The following MCU variants were observed in gnomAD, a reference collection of about 807,000 sequenced individuals.
The protein encoded by MCU is calcium uniporter protein, mitochondrial.
MCU carries 12 observed loss-of-function variants against 45.2 expected under a neutral mutation model. That is an observed-to-expected ratio of 0.27 (90% CI 0.17 to 0.43). MCU has a LOEUF of 0.43. Among genes scored for constraint, MCU ranks in the 20% least tolerant of loss-of-function variants. The probability of loss-of-function intolerance (pLI) is 1.00; values close to 1 mark genes in which losing one functional copy is unlikely to be tolerated. For synonymous variants in MCU, 160 were observed against 165.1 expected, an observed-to-expected ratio of 0.97 and a Z score of 0.24; for missense variants, 324 against 436.7, an observed-to-expected ratio of 0.74 and a Z score of 2.30.
At chr10:72,739,130 T>C (rs1490222295) in intron 1 of MCU, among the ~76,000 whole-genome samples, 1 of 152,164 alleles carries the variant, frequency 6.6e-6, no homozygotes, top group East Asian at 1.9e-4. Flanking sequence ...AAATTATAAT[T>C]AAGTTATTGA....
chr10:72,867,348 C>A (rs1246164918), intron 4 of MCU, among the ~76,000 whole-genome samples: 3 of 151,930 alleles, frequency 2.0e-5, no homozygotes, highest in Admixed American at 2.0e-4. Context: ...TTATTTGATT[C>A]TGAAAACATA....
chr10:72,752,991 T>C (rs1313093359), intron 1 of MCU, among the ~76,000 whole-genome samples: 2 of 152,186 alleles, frequency 1.3e-5, no homozygotes, highest in Non-Finnish European at 2.9e-5. Context: ...CTGCATGACA[T>C]GTGGATATAA....
intron 4 of MCU, among the ~76,000 whole-genome samples, chr10:72,864,867 C>T (rs978189586): frequency 1.3e-5 from 2 of 152,146 alleles, no homozygotes; most frequent in African/African-American, 4.8e-5. Flanking sequence ...TAGAAGTTCT[C>T]TTTAAAATAA....
chr10:72,697,354 T>G (rs1383261291), intron 1 of MCU, among the ~76,000 whole-genome samples: 1 of 151,164 alleles, frequency 6.6e-6, no homozygotes, highest in East Asian at 1.9e-4. Flanking sequence ...TGGCCTCGGG[T>G]AACCCACCTG....
At chr10:72,725,660 C>T (rs921490399) in intron 1 of MCU, among the ~76,000 whole-genome samples, 41 of 141,752 alleles carry the variant, frequency 2.9e-4, no homozygotes, top group Non-Finnish European at 5.2e-4. Context: ...AGGCTGAGGT[C>T]GGTGGATCAC....
chr10:72,765,203 T>G (rs75914139), intron 1 of MCU, among the ~76,000 whole-genome samples: 2,926 of 152,140 alleles, frequency 0.019, 100 homozygotes, highest in African/African-American at 0.067. Context: ...GATAGCATAG[T>G]GCAGTTAATT....
At chr10:72,699,485 T>TGAC (rs752848520) in intron 1 of MCU, among the ~76,000 whole-genome samples, 7 of 151,350 alleles carry the variant, frequency 4.6e-5, no homozygotes, top group Non-Finnish European at 7.4e-5. Flanking sequence ...CCAGCCTGGG[T>TGAC]GACAGAGCAA....
chr10:72,812,085 T>C (rs905370385), intron 1 of MCU, among the ~76,000 whole-genome samples: 3 of 30,196 alleles, frequency 9.9e-5, no homozygotes, highest in Non-Finnish European at 4.2e-4. Context: ...TTTATAGTGC[T>C]TTTTTTTTTT....
At chr10:72,815,197 A>AAAGAG (rs1188570185) in intron 1 of MCU, among the ~76,000 whole-genome samples, 1 of 152,266 alleles carries the variant, frequency 6.6e-6, no homozygotes, top group Non-Finnish European at 1.5e-5. Flanking sequence ...TGCCTCTTAT[A>AAAGAG]GTACAGGAGC....
At chr10:72,789,440 T>A (rs1589460678) in intron 1 of MCU, among the ~76,000 whole-genome samples, 1 of 152,302 alleles carries the variant, frequency 6.6e-6, no homozygotes, top group East Asian at 1.9e-4. Context: ...AGCTTTAGCT[T>A]CATGTCAAGT....
chr10:72,879,479 T>A (rs1353484193), intron 6 of MCU, among the ~76,000 whole-genome samples: 2 of 152,188 alleles, frequency 1.3e-5, no homozygotes, highest in African/African-American at 2.4e-5. Flanking sequence ...AGAAAATAAC[T>A]GTCATCTTAG....
In MCU at chr10:72,710,834, T is replaced by G. The variant is rs561002794; in HGVS notation, c.150+18533T>G. 1.8e-4 allele frequency among the ~76,000 whole-genome samples: 27 copies of G among 152,240 alleles called. No individual in the cohort carries two copies. The South Asian group carries it at 5.6e-3, about 32-fold the overall frequency. Reference sequence around the variant, plus strand: ...CCCATGAGTGTGTTTATCCTTTATCTACACCTATCTTATATAGTTTTGTAA... The same window carrying G: ...CCCATGAGTGTGTTTATCCTTTATCGACACCTATCTTATATAGTTTTGTAA... On this transcript the variant is annotated intron_variant, in intron 1 of 7. Coordinates refer to ENST00000373053, the MANE Select transcript of MCU (RefSeq NM_138357.3).
At chr10:72,864,767 T>C (rs1419405376) in intron 4 of MCU, among the ~76,000 whole-genome samples, 1 of 152,186 alleles carries the variant, frequency 6.6e-6, no homozygotes, top group Non-Finnish European at 1.5e-5. Flanking sequence ...TTTTTTGAAG[T>C]TGGAATAATT....
At chr10:72,882,381 A>G (rs1263937461) in intron 6 of MCU, among the ~76,000 whole-genome samples, 1 of 152,218 alleles carries the variant, frequency 6.6e-6, no homozygotes, top group Non-Finnish European at 1.5e-5. Context: ...GGTGGAACAG[A>G]GCCATATTTC....
intron 1 of MCU, among the ~76,000 whole-genome samples, chr10:72,744,015 A>G (rs1843374004): frequency 6.6e-6 from 1 of 151,368 alleles, no homozygotes; most frequent in African/African-American, 2.4e-5. Context: ...AATAGTTTAT[A>G]TATATATATG....
At chr10:72,794,539 T>G (rs150756685) in intron 1 of MCU, among the ~76,000 whole-genome samples, 5 of 152,358 alleles carry the variant, frequency 3.3e-5, no homozygotes, top group Non-Finnish European at 5.9e-5. Flanking sequence ...TTCTTGCCTA[T>G]AGAAAGAAGT....
intron 4 of MCU, among the ~76,000 whole-genome samples, chr10:72,864,582 A>C (rs570787392): frequency 6.6e-6 from 1 of 152,214 alleles, no homozygotes; most frequent in East Asian, 1.9e-4. Flanking sequence ...GTAAGAATAC[A>C]GTATATAATA....
intron 1 of MCU, among the ~76,000 whole-genome samples, chr10:72,754,455 C>G (rs1320689321): frequency 6.6e-6 from 1 of 152,172 alleles, no homozygotes; most frequent in East Asian, 1.9e-4. Context: ...GGTTGAATTA[C>G]AGATGACACT....
chr10:72,746,405 TAAG>T (rs769769337), intron 1 of MCU, among the ~76,000 whole-genome samples: 7 of 152,238 alleles, frequency 4.6e-5, no homozygotes, highest in Admixed American at 1.3e-4. Flanking sequence ...GTTTTAACTT[TAAG>T]TAGAGGCATA....
Sources: gnomAD v4.1 joint callset for allele counts (sites outside exome capture counted in the v4.1 genomes callset) on GRCh38, gnomAD v4.1.1 for gene constraint, MANE v1.5 for transcripts, NCBI Gene and HGNC (gene_info 2026-07-23, HGNC 2026-07-21) for gene names.